The following WT1 variants were observed in gnomAD, a reference collection of about 807,000 sequenced individuals.
WT1 encodes the protein WT1 transcription factor.
Under a neutral mutation model 60.8 loss-of-function variants are expected in WT1, and 8 were observed. The ratio of observed to expected loss-of-function variants is 0.13; its 90% CI spans 0.08 to 0.24. The LOEUF is 0.24. WT1 is among the 10% of genes least tolerant of loss of function. WT1 has a pLI of 1.00. For missense variants in WT1, 568 were observed against 711.8 expected (o/e 0.80, Z 2.30); for synonymous variants, 312 against 297.1 (o/e 1.05, Z -0.52).
At chr11:32,429,628 G>C (rs967000503) in intron 1 of WT1, among the ~76,000 whole-genome samples, 2 of 152,126 alleles carry the variant, frequency 1.3e-5, no homozygotes, top group African/African-American at 2.4e-5. Flanking sequence ...TACGTCATTG[G>C]CCCCGGAACC....
At chr11:32,434,617 G>T (rs914408275) in intron 1 of WT1, 83 bp downstream of exon 1, 80 of 1,604,220 alleles carry the variant, frequency 5.0e-5, no homozygotes, top group Non-Finnish European at 6.4e-5. Context: ...CGGTCAAAAG[G>T]GGTAGGAGAG....
intron 3 of WT1, among the ~76,000 whole-genome samples, chr11:32,424,216 A>G (rs1238942481): frequency 1.3e-5 from 2 of 151,688 alleles, no homozygotes; most frequent in Admixed American, 1.3e-4. Flanking sequence ...GTAATCAGAT[A>G]GGGAATCCTG....
At chr11:32,407,542 A>G (rs1236976007) in intron 5 of WT1, among the ~76,000 whole-genome samples, 2 of 152,112 alleles carry the variant, frequency 1.3e-5, no homozygotes, top group African/African-American at 4.8e-5. Flanking sequence ...GCATCCCCCC[A>G]TCTTCACCTC....
At chr11:32,424,147 C>T (rs374914953) in intron 3 of WT1, among the ~76,000 whole-genome samples, 3 of 121,154 alleles carry the variant, frequency 2.5e-5, no homozygotes, top group African/African-American at 3.4e-5. Context: ...TGCAACAGAG[C>T]GAGATGCCAT....
At position 32,417,577 on chromosome 11, in the gene WT1, C is replaced by T. The variant is rs1564987614; in HGVS notation, c.965G>A (p.Gly322Glu). ...GGCAATGGAATAGAGAAAACCTTAC[C>T]CCTTTAAGGTGGCTCCTAAGTTCAT... Residue 322 changes from glycine (G) to glutamate (E), a missense_variant and splice_region_variant, in exon 4 of 10, where the codon GGA becomes GAA. Physicochemically the swap from Gly to Glu is moderately conservative, Grantham distance 98 (BLOSUM62 -2). This residue lies in a region of WT1 where 523 missense variants were observed against 565.1 expected (regional missense o/e 0.93). Coordinates refer to ENST00000452863, the MANE Select transcript of WT1 (RefSeq NM_024426.6). The T allele has an allele frequency of 6.2e-7, 1 of 1,613,354 alleles. No homozygotes were observed. The highest frequency in any genetic ancestry group is 8.5e-7 in the Non-Finnish European group (1 of 1,179,484).
At chr11:32,421,712 A>G (rs948036372) in intron 3 of WT1, among the ~76,000 whole-genome samples, 1 of 152,206 alleles carries the variant, frequency 6.6e-6, no homozygotes, top group Non-Finnish European at 1.5e-5. Context: ...CCTCTGCACA[A>G]AAAGAAAGGA....
chr11:32,389,735 G>GT (rs879851963), intron 9 of WT1, among the ~76,000 whole-genome samples: 131 of 146,456 alleles, frequency 8.9e-4, no homozygotes, highest in East Asian at 1.8e-3. Flanking sequence ...GTTATGTGTT[G>GT]TTTTTTTTTT....
chr11:32,430,455 GGAGAGAGA>G (rs529663782), intron 1 of WT1: 18,925 of 887,342 alleles, frequency 0.021, 106 homozygotes, highest in African/African-American at 0.073. Context: ...AGAGAGGGAG[GGAGAGAGA>G]GAGAGAGAGA....
chr11:32,431,213 G>A (rs1853298055), intron 1 of WT1, among the ~76,000 whole-genome samples: 7 of 152,204 alleles, frequency 4.6e-5, no homozygotes, highest in Admixed American at 4.6e-4. Context: ...AAGGTGCTCA[G>A]AAGGCTGAAA....
intron 1 of WT1, chr11:32,429,046 G>T: frequency 3.3e-6 from 1 of 302,636 alleles, no homozygotes; most frequent in Non-Finnish European, 6.5e-6. Flanking sequence ...CTAACCCCGC[G>T]TTGACTCCGA....
intron 3 of WT1, among the ~76,000 whole-genome samples, chr11:32,425,155 C>A (rs12293603): frequency 0.27 from 36,962 of 137,770 alleles, 5,792 homozygotes; most frequent in African/African-American, 0.46. Context: ...CCAGCCTGGG[C>A]GACAGAGTGA....
At chr11:32,417,298 T>C in intron 4 of WT1, 1 of 448,780 alleles carries the variant, frequency 2.2e-6, no homozygotes, top group Non-Finnish European at 4.0e-6. Context: ...TAAATGAGGT[T>C]GAATAGCCTT....
At chr11:32,433,260 A>G (rs182058724) in intron 1 of WT1, among the ~76,000 whole-genome samples, 2 of 152,348 alleles carry the variant, frequency 1.3e-5, no homozygotes, top group African/African-American at 4.8e-5. Context: ...ACTAACTAAA[A>G]GCATAGAGTG....
chr11:32,410,444 T>G (rs1284954064), intron 5 of WT1, among the ~76,000 whole-genome samples: 1 of 152,224 alleles, frequency 6.6e-6, no homozygotes, highest in Non-Finnish European at 1.5e-5. Flanking sequence ...CCTTGTCTCT[T>G]AAATCCATCT....
chr11:32,388,440 C>T lies in WT1; in HGVS notation c.*618G>A. The T allele has an allele frequency of 4.2e-6, 1 of 235,650 alleles. No homozygotes were observed. The highest frequency in any genetic ancestry group is 8.4e-6 in the Non-Finnish European group (1 of 119,376). 14.6% of individuals were successfully genotyped at this position (235,650 alleles called of 1,614,324 possible). A position where few individuals can be genotyped will look rare whatever the true frequency, so the allele number is the denominator to read the frequency against. On this transcript the variant is annotated 3_prime_UTR_variant, in exon 10 of 10. Coordinates refer to ENST00000452863, the MANE Select transcript of WT1 (RefSeq NM_024426.6). ...TCTTTTAGATTTCTATACAGAGGTA[C>T]TGGTTAGTTCTGATTTTTTCTTCAG... is the stretch of plus-strand genomic sequence containing the variant.
At position 32,434,772 on chromosome 11, in the gene WT1, G is replaced by T. The variant is rs2133101720; in HGVS notation, c.589C>A (p.Gln197Lys). The change falls in exon 1 of 10, where the codon CAG (glutamine) becomes AAG (lysine). Residue 197 changes from glutamine (Q) to lysine (K), a missense_variant. Transcript: ENST00000452863. Reference sequence around the variant, plus strand: ...GGCGCGTTAGGAAACATCCTGGCCTGGCCGGATGACGCCTGGCTGGGCGGA... The same window carrying T: ...GGCGCGTTAGGAAACATCCTGGCCTTGCCGGATGACGCCTGGCTGGGCGGA... The T allele has an allele frequency of 6.2e-7, 1 of 1,612,792 alleles. No homozygotes were observed. The highest frequency in any genetic ancestry group is 8.5e-7 in the Non-Finnish European group (1 of 1,179,870).
intron 5 of WT1, chr11:32,400,522 T>G (rs1852123424): frequency 3.5e-6 from 1 of 287,920 alleles, no homozygotes. Flanking sequence ...TCCTCAGAAG[T>G]GGGGATTACA....
intron 5 of WT1, among the ~76,000 whole-genome samples, chr11:32,415,840 T>A (rs1235967904): frequency 6.6e-6 from 1 of 151,544 alleles, no homozygotes; most frequent in Non-Finnish European, 1.5e-5. Flanking sequence ...TAACAGTAAG[T>A]CTTGGAAGAT....
intron 6 of WT1, among the ~76,000 whole-genome samples, chr11:32,398,550 C>T (rs1031938859): frequency 7.9e-5 from 12 of 152,156 alleles, no homozygotes; most frequent in African/African-American, 2.9e-4. Flanking sequence ...CATCCTCTGC[C>T]TCCCTAAGAA....
Sources: allele counts gnomAD v4.1 joint callset (sites outside exome capture counted in the v4.1 genomes callset), GRCh38; gene constraint gnomAD v4.1.1; regional missense constraint gnomAD v4.1.1; transcripts MANE v1.5; gene names NCBI Gene and HGNC (gene_info 2026-07-23, HGNC 2026-07-21).